Variants in NCALD observed in about 807,000 individuals in gnomAD.
The protein encoded by NCALD is neurocalcin delta.
NCALD carries 10 observed loss-of-function variants against 18.6 expected under a neutral mutation model. That is an observed-to-expected ratio of 0.54 (90% CI 0.33 to 0.91). The LOEUF (loss-of-function observed/expected upper bound fraction) is 0.91, where lower values mean the gene tolerates loss of function less well. Among genes scored for constraint, NCALD ranks in the 40% least tolerant of loss-of-function variants. The probability of loss-of-function intolerance (pLI) is 0.03; values close to 1 mark genes in which losing one functional copy is unlikely to be tolerated. For missense variants in NCALD, 184 were observed against 247.6 expected, an observed-to-expected ratio of 0.74 and a Z score of 1.72; for synonymous variants, 88 against 87.4, an observed-to-expected ratio of 1.01 and a Z score of -0.04.
intron 2 of NCALD, chr8:101,975,460 C>G (rs928806225): frequency 3.3e-5 from 5 of 152,188 alleles, no homozygotes; most frequent in African/African-American, 1.2e-4. Context: ...CTGCTGGGGC[C>G]TCACTGTGAG....
intron 2 of NCALD, among the ~76,000 whole-genome samples, chr8:101,697,632 A>C (rs1009458201): frequency 3.3e-5 from 5 of 152,172 alleles, no homozygotes; most frequent in Admixed American, 2.6e-4. Context: ...GATGAAGGCT[A>C]GTTCAACATA....
intron 2 of NCALD, among the ~76,000 whole-genome samples, chr8:101,938,671 T>C (rs1412016983): frequency 1.3e-5 from 2 of 151,938 alleles, no homozygotes; most frequent in Non-Finnish European, 2.9e-5. Context: ...AAAAAACTTG[T>C]AAGTGGCAAT....
At chr8:102,045,141 G>T (rs928308752) in intron 1 of NCALD, among the ~76,000 whole-genome samples, 1 of 152,300 alleles carries the variant, frequency 6.6e-6, no homozygotes, top group South Asian at 2.1e-4. Flanking sequence ...TAACTAGAAG[G>T]AATCAAGTTT....
In NCALD at chr8:101,687,314, C is replaced by T. The variant is rs1341445327; in HGVS notation, c.*1995G>A. The T allele has an allele frequency of 3.3e-5, 5 of 152,782 alleles. No homozygotes were observed. In the East Asian group the frequency reaches 9.6e-4, roughly 29 times the overall value. 9.5% of individuals were successfully genotyped at this position (152,782 alleles called of 1,614,324 possible). A position where few individuals can be genotyped will look rare whatever the true frequency, so the allele number is the denominator to read the frequency against. On this transcript the variant is annotated 3_prime_UTR_variant, in exon 4 of 4. Transcript: ENST00000220931. ...TCCTGAGCACTGCCAATAGGGCATG[C>T]TAGGTCTCCTCACCCAGTCTGCCTT...
chr8:101,897,979 T>G (rs375614831), intron 3 of NCALD, among the ~76,000 whole-genome samples: 5 of 152,192 alleles, frequency 3.3e-5, no homozygotes, highest in African/African-American at 4.8e-5. Flanking sequence ...TCTCACAAGA[T>G]CTGATGGTTT....
intron 1 of NCALD, among the ~76,000 whole-genome samples, chr8:101,779,436 A>G (rs1811925014): frequency 6.6e-6 from 1 of 152,206 alleles, no homozygotes; most frequent in Non-Finnish European, 1.5e-5. Flanking sequence ...AGAGAAGACA[A>G]AGATAATTAG....
intron 4 of NCALD, among the ~76,000 whole-genome samples, chr8:101,878,672 T>C (rs770376686): frequency 1.3e-5 from 2 of 152,194 alleles, no homozygotes; most frequent in African/African-American, 2.4e-5. Context: ...CTAACATTAT[T>C]TTTTTAGACT....
At chr8:102,036,734 C>T (rs757201141) in intron 1 of NCALD, among the ~76,000 whole-genome samples, 1 of 152,086 alleles carries the variant, frequency 6.6e-6, no homozygotes, top group Non-Finnish European at 1.5e-5. Context: ...GAGATCATGC[C>T]ACTGCACTCC....
At chr8:101,952,832 G>A (rs1490674740) in intron 2 of NCALD, among the ~76,000 whole-genome samples, 2 of 152,204 alleles carry the variant, frequency 1.3e-5, no homozygotes, top group Non-Finnish European at 2.9e-5. Flanking sequence ...GTGAAGATGA[G>A]AGCAGAGTTC....
At chr8:101,798,531 T>C (rs557638543) in intron 4 of NCALD, among the ~76,000 whole-genome samples, 1 of 152,322 alleles carries the variant, frequency 6.6e-6, no homozygotes, top group Admixed American at 6.5e-5. Context: ...TGGAGACAGA[T>C]GCCATGTTTA....
intron 4 of NCALD, among the ~76,000 whole-genome samples, chr8:101,816,486 A>C (rs1008980602): frequency 6.6e-6 from 1 of 152,136 alleles, no homozygotes; most frequent in Admixed American, 6.6e-5. Flanking sequence ...AACATAATTT[A>C]GTTACTTTTT....
chr8:101,785,058 G>A (rs938637334), intron 1 of NCALD, among the ~76,000 whole-genome samples: 7 of 152,148 alleles, frequency 4.6e-5, no homozygotes, highest in African/African-American at 1.7e-4. Context: ...AAAGAGCCAG[G>A]ACTCTGAAGC....
intron 1 of NCALD, chr8:101,789,070 T>C (rs1405971822): frequency 6.6e-6 from 1 of 152,320 alleles, no homozygotes; most frequent in East Asian, 1.9e-4. Context: ...TATAAGACTT[T>C]AATTTAAAAT....
chr8:101,746,189 C>T lies in NCALD; in HGVS notation c.-19-26541G>A, dbSNP rs528009744. Among the ~76,000 whole-genome samples, 7 of 152,202 alleles carry T rather than the reference C, an allele frequency of 4.6e-5. No individual in the cohort carries two copies. The East Asian group carries it at 7.7e-4, about 17-fold the overall frequency. Reference sequence around the variant, plus strand: ...AGGCCTCCAGTGAAAAGATGAAATTCGGAAATGCTAAAACATGCAATTAAG... The same window carrying T: ...AGGCCTCCAGTGAAAAGATGAAATTTGGAAATGCTAAAACATGCAATTAAG... On this transcript the variant is annotated intron_variant, in intron 1 of 3. Coordinates refer to ENST00000220931, the MANE Select transcript of NCALD (RefSeq NM_032041.3).
intron 2 of NCALD, among the ~76,000 whole-genome samples, chr8:101,973,634 T>C (rs1160955963): frequency 3.3e-5 from 5 of 152,106 alleles, no homozygotes; most frequent in African/African-American, 1.2e-4. Flanking sequence ...GAGAAGAAGC[T>C]GGTGGTGGGT....
intron 4 of NCALD, among the ~76,000 whole-genome samples, chr8:101,831,545 T>C (rs1279255774): frequency 6.6e-6 from 1 of 152,220 alleles, no homozygotes; most frequent in Non-Finnish European, 1.5e-5. Context: ...TTTATACTTC[T>C]ATATATTCTT....
chr8:101,938,800 A>G (rs1217899047), intron 2 of NCALD, among the ~76,000 whole-genome samples: 1 of 152,242 alleles, frequency 6.6e-6, no homozygotes. Flanking sequence ...GCACAGGGAC[A>G]TGACCCCATG....
At chr8:101,829,100 T>A (rs1471033316) in intron 4 of NCALD, among the ~76,000 whole-genome samples, 1 of 152,164 alleles carries the variant, frequency 6.6e-6, no homozygotes, top group East Asian at 1.9e-4. Flanking sequence ...CCTGGGTCAG[T>A]TAAGACAATG....
intron 1 of NCALD, among the ~76,000 whole-genome samples, chr8:102,091,629 GAATATAGTGCTGTTGTAC>G (rs1824926327): frequency 2.0e-5 from 3 of 152,348 alleles, no homozygotes; most frequent in South Asian, 2.1e-4. Context: ...TACTGTTGTA[GAATATAGTGCTGTTGTAC>G]AATATAGTGC....
Sources: allele counts gnomAD v4.1 joint callset (sites outside exome capture counted in the v4.1 genomes callset), GRCh38; gene constraint gnomAD v4.1.1; transcripts MANE v1.5; gene names NCBI Gene and HGNC (gene_info 2026-07-23, HGNC 2026-07-21).